Variants in IGSF9B observed in about 807,000 individuals in gnomAD.
IGSF9B encodes the protein immunoglobulin superfamily member 9B.
In IGSF9B, 48 loss-of-function variants were observed where a neutral mutation model predicts 143.7. The ratio of observed to expected loss-of-function variants is 0.33; its 90% CI spans 0.26 to 0.42. IGSF9B has a LOEUF of 0.42. Among genes scored for constraint, IGSF9B ranks in the 20% least tolerant of loss-of-function variants. The pLI, the probability that IGSF9B is intolerant of heterozygous loss-of-function variation, is 1.00. For synonymous variants in IGSF9B, 903 were observed against 833.1 expected (o/e 1.08, Z -1.44); for missense variants, 1,706 against 1,980.0 (o/e 0.86, Z 2.63).
At chr11:133,951,306 A>G (rs1440951847) in intron 1 of IGSF9B, among the ~76,000 whole-genome samples, 2 of 152,216 alleles carry the variant, frequency 1.3e-5, no homozygotes, top group African/African-American at 4.8e-5. Context: ...ACAGCACCTC[A>G]GAGCATTTCC....
rs1339369584 is a variant in IGSF9B, at chr11:133,900,357, G to A, written c.*8712C>T. ...GCACCAGCTTCAAATACATCACTCC[G>A]AGCTCCGGGCAAGTCAGGAAGGAGC... On this transcript the variant is annotated 3_prime_UTR_variant, in exon 20 of 20. Coordinates refer to ENST00000533871, the MANE Select transcript of IGSF9B (RefSeq NM_001277285.4). 1 of 152,726 alleles carries A rather than the reference G, an allele frequency of 6.5e-6. No individual in the cohort carries two copies. The highest frequency in any genetic ancestry group is 1.5e-5 in the Non-Finnish European group (1 of 68,082). The allele number at this position is 152,726 out of a possible 1,614,324, so 9.5% of individuals were successfully genotyped here.
intron 1 of IGSF9B, among the ~76,000 whole-genome samples, chr11:133,955,553 G>C (rs924899582): frequency 6.6e-6 from 1 of 152,190 alleles, no homozygotes; most frequent in African/African-American, 2.4e-5. Context: ...CCTGCCTGCT[G>C]ACTCCCACCC....
intron 3 of IGSF9B, among the ~76,000 whole-genome samples, chr11:133,939,662 C>A (rs1039076022): frequency 1.3e-5 from 2 of 152,292 alleles, no homozygotes; most frequent in Non-Finnish European, 2.9e-5. Flanking sequence ...TCAGTGCAAG[C>A]GCAGCAGGGG....
chr11:133,955,597 G>T (rs1181427681), intron 1 of IGSF9B, among the ~76,000 whole-genome samples: 1 of 152,144 alleles, frequency 6.6e-6, no homozygotes, highest in African/African-American at 2.4e-5. Flanking sequence ...ATCTCCTCCG[G>T]CTTGGTGAAC....
In IGSF9B at chr11:133,913,168, C is replaced by T. The variant is rs1320779571; in HGVS notation, c.3984-1161G>A. On this transcript the variant is annotated intron_variant, in intron 18 of 19. Coordinates refer to ENST00000533871, the MANE Select transcript of IGSF9B (RefSeq NM_001277285.4). The surrounding 1 kb of genome is among the most constrained non-coding windows in gnomAD (Gnocchi z 4.6). Reference sequence around the variant, plus strand: ...AAGCAGGGACGCTCTGGGGCCACGGCGGACAGGCGTGCCTCGCTCTTCTTC... The same window carrying T: ...AAGCAGGGACGCTCTGGGGCCACGGTGGACAGGCGTGCCTCGCTCTTCTTC... 2.6e-5 allele frequency among the ~76,000 whole-genome samples: 4 copies of T among 152,138 alleles called. No homozygotes were observed. The highest frequency in any genetic ancestry group is 6.5e-5 in the Admixed American group (1 of 15,272).
At chr11:133,954,589 C>T (rs556358343) in intron 1 of IGSF9B, among the ~76,000 whole-genome samples, 1 of 152,196 alleles carries the variant, frequency 6.6e-6, no homozygotes, top group African/African-American at 2.4e-5. Flanking sequence ...CCTTATAACA[C>T]TCATGTCCAC....
intron 1 of IGSF9B, among the ~76,000 whole-genome samples, chr11:133,954,366 G>A (rs1001525902): frequency 1.3e-5 from 2 of 152,150 alleles, no homozygotes; most frequent in African/African-American, 2.4e-5. Context: ...CCAGGGACAA[G>A]AGGTTCTGCC....
Position 133,919,292 on chromosome 11 carries a change from C to T in IGSF9B, c.3983+450G>A, listed in dbSNP as rs1002927642. ...CTGGTGGTCTGGAGAAGTCAGGCTC[C>T]GGGGTCCTGCTTAGCAAGCAGCAGG... On this transcript the variant is annotated intron_variant, in intron 18 of 19. Coordinates refer to ENST00000533871, the MANE Select transcript of IGSF9B (RefSeq NM_001277285.4). Among the ~76,000 whole-genome samples, 4 of 152,072 alleles carry T rather than the reference C, an allele frequency of 2.6e-5. 1 individual carries two copies. The South Asian group carries it at 8.3e-4, about 31-fold the overall frequency.
intron 7 of IGSF9B, among the ~76,000 whole-genome samples, chr11:133,933,272 C>T (rs75566659): frequency 0.039 from 5,892 of 152,286 alleles, 396 homozygotes; most frequent in African/African-American, 0.13. Context: ...TGCCCACACC[C>T]TTCCCCAACA....
intron 1 of IGSF9B, among the ~76,000 whole-genome samples, chr11:133,955,175 A>AT (rs761562291): frequency 1.3e-5 from 2 of 152,172 alleles, no homozygotes; most frequent in Non-Finnish European, 2.9e-5. Flanking sequence ...CGGCAAGGAA[A>AT]TGGGGGAGAG....
At position 133,945,990 on chromosome 11, in the gene IGSF9B, G is replaced by T; in HGVS notation, c.262+71C>A. On this transcript the variant is annotated intron_variant, in intron 2 of 19. Transcript: ENST00000533871. This position sits in a 1 kb window ranked among gnomAD's most constrained non-coding sequence, Gnocchi z 4.6. ...AAAGAGTGGTCAGGACAAGGCAGGG[G>T]CCAGAGGGGAACCACCGAGGAGCTG... The T allele has an allele frequency of 1.9e-6, 2 of 1,056,632 alleles. No individual in the cohort carries two copies. Among genetic ancestry groups the T allele is most frequent in the African/African-American group, 1.6e-5 (1 of 62,974 alleles). 65.5% of individuals were successfully genotyped at this position (1,056,632 alleles called of 1,614,324 possible).
Position 133,913,166 on chromosome 11 carries a change from G to A in IGSF9B, c.3984-1159C>T, listed in dbSNP as rs1466247660. Reference sequence around the variant, plus strand: ...AGAAGCAGGGACGCTCTGGGGCCACGGCGGACAGGCGTGCCTCGCTCTTCT... The same window carrying A: ...AGAAGCAGGGACGCTCTGGGGCCACAGCGGACAGGCGTGCCTCGCTCTTCT... On this transcript the variant is annotated intron_variant, in intron 18 of 19. Coordinates refer to ENST00000533871, the MANE Select transcript of IGSF9B (RefSeq NM_001277285.4). This position sits in a 1 kb window ranked among gnomAD's most constrained non-coding sequence, Gnocchi z 4.6. 6.6e-6 allele frequency among the ~76,000 whole-genome samples: 1 copy of A among 152,126 alleles called. No homozygotes were observed. The highest frequency in any genetic ancestry group is 1.9e-4 in the East Asian group (1 of 5,182).
At chr11:133,925,043 G>A (rs564391425) in intron 14 of IGSF9B, 139 bp from the exon 15 acceptor site, 302 of 694,448 alleles carry the variant, frequency 4.3e-4, no homozygotes, top group Admixed American at 7.2e-4. Flanking sequence ...CTAATGCTAA[G>A]CGATGGTAGC....
rs1939165707 is a variant in IGSF9B, at chr11:133,903,098, AG to A, written c.*5970del. ...ATGTTCACGATCCCTGGAGCCATACAGAAGTGGGGAAAGGAAAAGGGAAGGG... is the reference window on the plus strand; with the variant it reads ...ATGTTCACGATCCCTGGAGCCATACAAAGTGGGGAAAGGAAAAGGGAAGGG... On this transcript the variant is annotated 3_prime_UTR_variant, in exon 20 of 20. Coordinates refer to ENST00000533871, the MANE Select transcript of IGSF9B (RefSeq NM_001277285.4). Among the ~76,000 whole-genome samples, 1 of 151,758 alleles carries A rather than the reference AG, an allele frequency of 6.6e-6. No homozygotes were observed. The highest frequency in any genetic ancestry group is 2.4e-5 in the African/African-American group (1 of 41,250).
intron 5 of IGSF9B, 49 bp from the exon 6 acceptor site, chr11:133,936,243 G>C (rs374344001): frequency 2.6e-5 from 41 of 1,568,188 alleles, no homozygotes; most frequent in Non-Finnish European, 3.5e-5. Flanking sequence ...AGGGACGGCA[G>C]CAGCACCCAG....
At chr11:133,915,512 C>T (rs1939364966) in intron 18 of IGSF9B, among the ~76,000 whole-genome samples, 1 of 152,060 alleles carries the variant, frequency 6.6e-6, no homozygotes, top group Non-Finnish European at 1.5e-5. Flanking sequence ...CTCAAGAGAT[C>T]TGCCCTCTGG....
rs1939250338 is a variant in IGSF9B, at chr11:133,908,643, T to G, written c.*426A>C. The stretch of plus-strand genomic sequence containing the variant: ...CACTACAGACATATGCATCTGTATC[T>G]ATATCTATATATATGTGGGGTGTGG... On this transcript the variant is annotated 3_prime_UTR_variant, in exon 20 of 20. Transcript: ENST00000533871. The G allele has an allele frequency of 5.8e-6, 1 of 173,760 alleles. No individual in the cohort carries two copies. The highest frequency in any genetic ancestry group is 1.2e-5 in the Non-Finnish European group (1 of 80,438). 10.8% of individuals were successfully genotyped at this position (173,760 alleles called of 1,614,324 possible). A position where few individuals can be genotyped will look rare whatever the true frequency, so the allele number is the denominator to read the frequency against.
At position 133,913,720 on chromosome 11, in the gene IGSF9B, A is replaced by G. The variant is rs904121107; in HGVS notation, c.3984-1713T>C. ...ATCCTACAGCGCAGCAGCAGCTGGG[A>G]AGGAAGCGGGAAGGCAGACAAAGGG... is the stretch of plus-strand genomic sequence containing the variant. On this transcript the variant is annotated intron_variant, in intron 18 of 19. Coordinates refer to ENST00000533871, the MANE Select transcript of IGSF9B (RefSeq NM_001277285.4). The surrounding 1 kb of genome is among the most constrained non-coding windows in gnomAD (Gnocchi z 4.6). 6.6e-6 allele frequency among the ~76,000 whole-genome samples: 1 copy of G among 152,192 alleles called. No individual in the cohort carries two copies. The highest frequency in any genetic ancestry group is 1.5e-5 in the Non-Finnish European group (1 of 68,030).
In IGSF9B at chr11:133,901,455, G is replaced by C. The variant is rs1939117533; in HGVS notation, c.*7614C>G. 6.6e-6 allele frequency: 1 copy of C among 152,074 alleles called. No individual in the cohort carries two copies. The highest frequency in any genetic ancestry group is 2.4e-5 in the African/African-American group (1 of 41,362). The allele number at this position is 152,074 out of a possible 1,614,324, so 9.4% of individuals were successfully genotyped here. ...TTCTTTATATTTATATATGTGTGCA[G>C]AGGGCACGGGCCCCTGCCCATCTTG... On this transcript the variant is annotated 3_prime_UTR_variant, in exon 20 of 20. Transcript: ENST00000533871.
Sources: gnomAD v4.1 joint callset for allele counts (sites outside exome capture counted in the v4.1 genomes callset) on GRCh38, gnomAD v4.1.1 for gene constraint, Gnocchi (gnomAD v3.1) non-coding constraint, MANE v1.5 for transcripts, NCBI Gene and HGNC (gene_info 2026-07-23, HGNC 2026-07-21) for gene names.